The following FPR1 variants were observed in gnomAD, a reference collection of about 807,000 sequenced individuals.
FPR1 encodes the protein formyl peptide receptor 1.
For missense variants in FPR1, 407 were observed against 453.0 expected (o/e 0.90, Z 0.92); for synonymous variants, 193 against 176.7 (o/e 1.09, Z -0.73).
At chr19:51,747,498 G>A (rs375910567) in intron 1 of FPR1, among the ~76,000 whole-genome samples, 33 of 152,234 alleles carry the variant, frequency 2.2e-4, no homozygotes, top group African/African-American at 6.3e-4. Context: ...GATTACAGAC[G>A]TGAGCTACCA....
chr19:51,747,877 G>A (rs879566871), intron 1 of FPR1, among the ~76,000 whole-genome samples: 5 of 152,104 alleles, frequency 3.3e-5, no homozygotes, highest in Admixed American at 2.0e-4. Flanking sequence ...GGTGGTTCAC[G>A]CCTGTCATCT....
At chr19:51,749,056 A>G (rs1454711926) in intron 1 of FPR1, among the ~76,000 whole-genome samples, 1 of 152,020 alleles carries the variant, frequency 6.6e-6, no homozygotes, top group East Asian at 1.9e-4. Flanking sequence ...CTCTACTAAA[A>G]ATACAAAAAT....
Position 51,747,059 on chromosome 19 carries a change from C to T in FPR1, c.-11-54G>A. ...CAGTTATGAACCTCCGTACCATTTC[C>T]CCACCCCCTCATTTCTGCCCCTGCC... is the stretch of plus-strand genomic sequence containing the variant. On this transcript the variant is annotated intron_variant, in intron 1 of 1. Coordinates refer to ENST00000304748, the MANE Select transcript of FPR1 (RefSeq NM_002029.4). The T allele has an allele frequency of 3.9e-6, 5 of 1,297,254 alleles. No homozygotes were observed. The South Asian group carries it at 7.1e-5, about 18-fold the overall frequency. 80.4% of individuals were successfully genotyped at this position (1,297,254 alleles called of 1,614,324 possible).
intron 1 of FPR1, among the ~76,000 whole-genome samples, chr19:51,749,598 C>A (rs1397797027): frequency 6.6e-6 from 1 of 152,132 alleles, no homozygotes; most frequent in Admixed American, 6.6e-5. Flanking sequence ...ATCAGGTATG[C>A]AAAGTGCATG....
In FPR1 at chr19:51,746,217, C is replaced by T; in HGVS notation, c.778G>A (p.Val260Met). Reference sequence around the variant, plus strand: ...ATTCTGACTGTGGCTATAAGGGCCACCACCTGATATGGGGACCAGCAGAGA... The same window carrying T: ...ATTCTGACTGTGGCTATAAGGGCCATCACCTGATATGGGGACCAGCAGAGA... ...FFLCWSPYQV[V>M]ALIATVRIRE... The change falls in exon 2 of 2, where the codon GTG becomes ATG. Residue 260 changes from valine to methionine, a missense_variant. Physicochemically the swap from Val to Met is conservative, Grantham distance 21 (BLOSUM62 1). Transcript: ENST00000304748. This position sits in a 1 kb window ranked among gnomAD's most constrained non-coding sequence, Gnocchi z 4.3. 6.2e-7 allele frequency: 1 copy of T among 1,614,132 alleles called. No individual in the cohort carries two copies. The highest frequency in any genetic ancestry group is 8.5e-7 in the Non-Finnish European group (1 of 1,180,018).
chr19:51,749,922 C>T (rs1258112026), intron 1 of FPR1, among the ~76,000 whole-genome samples: 3 of 152,288 alleles, frequency 2.0e-5, no homozygotes, highest in African/African-American at 4.8e-5. Flanking sequence ...CCACCTGCCT[C>T]AGCCTCCCAA....
At chr19:51,751,457 A>G (rs1209500596) in intron 1 of FPR1, among the ~76,000 whole-genome samples, 1 of 152,146 alleles carries the variant, frequency 6.6e-6, no homozygotes, top group Non-Finnish European at 1.5e-5. Context: ...ATCTGAGCTC[A>G]CTGCAACCTC....
At chr19:51,750,212 T>C (rs1303093655) in intron 1 of FPR1, 1 of 152,056 alleles carries the variant, frequency 6.6e-6, no homozygotes, top group East Asian at 1.9e-4. Flanking sequence ...CCACATGTGG[T>C]TTTCAAGCAC....
In FPR1 at chr19:51,746,153, A is replaced by G; in HGVS notation, c.842T>C (p.Ile281Thr). The stretch of plus-strand genomic sequence containing the variant: ...CAGGGCACTTGTCACATCCACTGCA[A>G]TACCAATTTCTTTGTACATGCCTTG... The part of the protein sequence containing the change: ...LLQGMYKEIG[I>T]AVDVTSALAF... The change falls in exon 2 of 2, where the codon ATT becomes ACT. Residue 281 changes from isoleucine to threonine, a missense_variant. Transcript: ENST00000304748. This position sits in a 1 kb window ranked among gnomAD's most constrained non-coding sequence, Gnocchi z 4.3. 6.2e-7 allele frequency: 1 copy of G among 1,614,228 alleles called. No homozygotes were observed. The highest frequency in any genetic ancestry group is 1.1e-5 in the South Asian group (1 of 91,084).
In FPR1 at chr19:51,746,797, G is replaced by C; in HGVS notation, c.198C>G (p.Asn66Lys). 6.2e-7 allele frequency: 1 copy of C among 1,614,162 alleles called. No homozygotes were observed. The highest frequency in any genetic ancestry group is 1.1e-5 in the South Asian group (1 of 91,072). The change falls in exon 2 of 2, where the codon AAC becomes AAG. Residue 66 changes from asparagine to lysine, a missense_variant. By Grantham distance (94) the Asn-to-Lys change is moderately conservative. Coordinates refer to ENST00000304748, the MANE Select transcript of FPR1 (RefSeq NM_002029.4). The surrounding 1 kb of genome is among the most constrained non-coding windows in gnomAD (Gnocchi z 4.3). Reference protein sequence around the residue: ...THTVTTISYLNLAVADFCFTS... With the variant: ...THTVTTISYLKLAVADFCFTS... ...TGAAACAGAAGTCAGCCACGGCCAG[G>C]TTCAGGTAACTGATGGTGGTGACTG...
Position 51,746,330 on chromosome 19 carries a change from C to T in FPR1, c.665G>A (p.Gly222Glu). The T allele has an allele frequency of 1.9e-6, 3 of 1,611,842 alleles. No homozygotes were observed. The highest frequency in any genetic ancestry group is 1.3e-5 in the African/African-American group (1 of 74,094). ...APMSIVAVSY[G>E]LIATKIHKQG... ...CTTGTGGATCTTGGTGGCAATAAGC[C>T]CATAACTGACAGCAACGATGGACAT... The change falls in exon 2 of 2, where the codon GGG (glycine) becomes GAG (glutamate). Residue 222 changes from glycine (G) to glutamate (E), a missense_variant. Coordinates refer to ENST00000304748, the MANE Select transcript of FPR1 (RefSeq NM_002029.4). This position sits in a 1 kb window ranked among gnomAD's most constrained non-coding sequence, Gnocchi z 4.3.
chr19:51,746,630 T>C lies in FPR1; in HGVS notation c.365A>G (p.Asp122Gly). Residue 122 changes from aspartate (D) to glycine (G), a missense_variant, in exon 2 of 2, where the codon GAC becomes GGC. By Grantham distance (94) the Asp-to-Gly change is moderately conservative. Transcript: ENST00000304748. The surrounding 1 kb of genome is among the most constrained non-coding windows in gnomAD (Gnocchi z 4.3). ...SVFLIALIAL[D>G]RCVCVLHPVW... ...TGGATGCAGGACGCAAACACAGCGG[T>C]CCAGAGCAATGAGGGCGATCAGGAA... The C allele has an allele frequency of 6.2e-7, 1 of 1,613,966 alleles. No individual in the cohort carries two copies. The highest frequency in any genetic ancestry group is 8.5e-7 in the Non-Finnish European group (1 of 1,179,986).
chr19:51,746,250 C>A lies in FPR1; in HGVS notation c.745G>T (p.Ala249Ser). The A allele has an allele frequency of 6.2e-7, 1 of 1,614,126 alleles. No homozygotes were observed. The highest frequency in any genetic ancestry group is 8.5e-7 in the Non-Finnish European group (1 of 1,180,034). The change falls in exon 2 of 2, where the codon GCC (alanine) becomes TCC (serine). Residue 249 changes from alanine (A) to serine (S), a missense_variant. Ala to Ser is a moderately conservative substitution (Grantham distance 99). Coordinates refer to ENST00000304748, the MANE Select transcript of FPR1 (RefSeq NM_002029.4). This position sits in a 1 kb window ranked among gnomAD's most constrained non-coding sequence, Gnocchi z 4.3. ...PLRVLSFVAA[A>S]FFLCWSPYQV... ...TATGGGGACCAGCAGAGAAAAAAGG[C>A]TGCTGCGACAAAGGAGAGGACCCGT...
Position 51,746,980 on chromosome 19 carries a change from G to C in FPR1, c.15C>G (p.Ser5=). 2 of 1,611,198 alleles carry C rather than the reference G, an allele frequency of 1.2e-6. No individual in the cohort carries two copies. Among genetic ancestry groups the C allele is most frequent in the African/African-American group, 2.7e-5 (2 of 74,946 alleles). METN[S]SLPTNISGGT... is the part of the protein sequence containing the mutation. ...CTCCAGAGATGTTCGTGGGGAGAGAGGAATTTGTCTCCATCTTGTCTGCTC... is the reference window on the plus strand; with the variant it reads ...CTCCAGAGATGTTCGTGGGGAGAGACGAATTTGTCTCCATCTTGTCTGCTC... Residue 5 remains serine (S), a synonymous_variant, in exon 2 of 2, where the codon TCC becomes TCG. Coordinates refer to ENST00000304748, the MANE Select transcript of FPR1 (RefSeq NM_002029.4). This position sits in a 1 kb window ranked among gnomAD's most constrained non-coding sequence, Gnocchi z 4.3.
At chr19:51,751,550 T>C (rs1029082027) in intron 1 of FPR1, among the ~76,000 whole-genome samples, 1 of 152,044 alleles carries the variant, frequency 6.6e-6, no homozygotes, top group African/African-American at 2.4e-5. Context: ...GCCTGGCTAA[T>C]TTTTGTATTT....
intron 1 of FPR1, among the ~76,000 whole-genome samples, chr19:51,748,462 C>T (rs1016658044): frequency 1.6e-4 from 24 of 152,168 alleles, no homozygotes; most frequent in Non-Finnish European, 2.9e-5. Context: ...AAATGGGTAA[C>T]TTTTTTATTG....
At chr19:51,748,802 A>C (rs953068507) in intron 1 of FPR1, among the ~76,000 whole-genome samples, 12 of 152,222 alleles carry the variant, frequency 7.9e-5, no homozygotes, top group Non-Finnish European at 1.5e-5. Context: ...AATTTAATAA[A>C]GGAAAAATAA....
Position 51,745,896 on chromosome 19 carries a change from G to A in FPR1, c.*46C>T, listed in dbSNP as rs370386175. ...TGTGGCTCAGCCTAACTCAAGGTGA[G>A]ACGAAGCTGGAGCTGGGAGCTCGAA... On this transcript the variant is annotated 3_prime_UTR_variant, in exon 2 of 2. Transcript: ENST00000304748. 1.4e-5 allele frequency: 22 copies of A among 1,520,732 alleles called. No homozygotes were observed. Among genetic ancestry groups the A allele is most frequent in the Non-Finnish European group, 2.0e-5 (22 of 1,104,272 alleles). The allele number at this position is 1,520,732 out of a possible 1,614,324, so 94.2% of individuals were successfully genotyped here. A position where few individuals can be genotyped will look rare whatever the true frequency, so the allele number is the denominator to read the frequency against.
intron 1 of FPR1, among the ~76,000 whole-genome samples, chr19:51,749,728 C>T (rs1413648814): frequency 6.6e-6 from 1 of 151,956 alleles, no homozygotes; most frequent in African/African-American, 2.4e-5. Context: ...GTGGCGTGAT[C>T]TGAGCTCACT....
Sources: allele counts gnomAD v4.1 joint callset (sites outside exome capture counted in the v4.1 genomes callset), GRCh38; gene constraint gnomAD v4.1.1; non-coding constraint Gnocchi (gnomAD v3.1); transcripts MANE v1.5; gene names NCBI Gene and HGNC (gene_info 2026-07-23, HGNC 2026-07-21).